Variants in ACTN3 observed in about 807,000 individuals in gnomAD.
ACTN3 encodes actinin alpha 3, also known as alpha-actinin-3.
In ACTN3, 91 loss-of-function variants were observed where a neutral mutation model predicts 119.6. That is an observed-to-expected ratio of 0.76 (90% CI 0.64 to 0.91). ACTN3 has a LOEUF of 0.91. Among genes scored for constraint, ACTN3 ranks in the 40% least tolerant of loss-of-function variants. The pLI is 0.00. For missense variants in ACTN3, 1,221 were observed against 1,215.1 expected (o/e 1.00, Z -0.07); for synonymous variants, 456 against 478.8 (o/e 0.95, Z 0.62).
chr11:66,546,656 C>G, upstream of ACTN3: 1 of 1,532,572 alleles, frequency 6.5e-7, no homozygotes, highest in Non-Finnish European at 8.7e-7. Context: ...CAGAGAGGTC[C>G]CGTGGATTTC....
intron 5 of ACTN3, 35 bp downstream of exon 5, chr11:66,554,658 C>A: frequency 6.4e-7 from 1 of 1,562,864 alleles, no homozygotes; most frequent in East Asian, 2.3e-5. Flanking sequence ...GTCTGGGCCT[C>A]TGTGGGGTAC....
chr11:66,547,646 C>G (rs1046194696), intron 1 of ACTN3, among the ~76,000 whole-genome samples: 2 of 152,188 alleles, frequency 1.3e-5, no homozygotes, highest in Non-Finnish European at 2.9e-5. Flanking sequence ...AGGACCCCCG[C>G]AACCTGAGGA....
In ACTN3 at chr11:66,557,832, A is replaced by G; in HGVS notation, c.1031A>G (p.Glu344Gly). The G allele has an allele frequency of 6.2e-7, 1 of 1,614,142 alleles. No individual in the cohort carries two copies. The highest frequency in any genetic ancestry group is 8.5e-7 in the Non-Finnish European group (1 of 1,180,000). The part of the protein sequence containing the change: ...RRLHKPPRIQ[E>G]KCQLEINFNT... Reference sequence around the variant, plus strand: ...CTGCACAAGCCGCCCCGCATTCAGGAAAAGTGCCAGCTGGAGATCAACTTC... The same window carrying G: ...CTGCACAAGCCGCCCCGCATTCAGGGAAAGTGCCAGCTGGAGATCAACTTC... The change falls in exon 10 of 21, where the codon GAA becomes GGA. Residue 344 changes from glutamate (E) to glycine (G), a missense_variant. Transcript: ENST00000513398.
chr11:66,558,151 C>G lies in ACTN3; in HGVS notation c.1253C>G (p.Ser418Cys). ...GCTGAGAAGTTCCGGCAGAAGGCCT[C>G]CCTGCACGAAGCCTGGACCCGGGGT... ...HLAEKFRQKA[S>C]LHEAWTRGKE... is the part of the protein sequence containing the mutation. The change falls in exon 11 of 21, where the codon TCC becomes TGC. Residue 418 changes from serine (S) to cysteine (C), a missense_variant. Physicochemically the swap from Ser to Cys is moderately radical, Grantham distance 112. Around this residue, in one of 3 missense-constraint regions of ACTN3, gnomAD observed 934 missense variants for 899.9 expected, o/e 1.04. Coordinates refer to ENST00000513398, the MANE Select transcript of ACTN3 (RefSeq NM_001104.4). The G allele has an allele frequency of 1.9e-6, 3 of 1,613,626 alleles. No homozygotes were observed. The highest frequency in any genetic ancestry group is 2.5e-6 in the Non-Finnish European group (3 of 1,179,888).
chr11:66,551,275 G>A lies in ACTN3; in HGVS notation c.184G>A (p.Ala62Thr). ...CTGGTGCAACTCACACCTGCGCAAG[G>A]CAGGCACCCAGATCGAGAACATCGA... is the stretch of plus-strand genomic sequence containing the variant. ...TAWCNSHLRKAGTQIENIEED... is the reference protein window; with the variant it reads ...TAWCNSHLRKTGTQIENIEED... The change falls in exon 2 of 21, where the codon GCA (alanine) becomes ACA (threonine). Residue 62 changes from alanine (A) to threonine (T), a missense_variant. Ala to Thr is a moderately conservative substitution (Grantham distance 58). Transcript: ENST00000513398. The A allele has an allele frequency of 6.2e-7, 1 of 1,612,432 alleles. No homozygotes were observed. The highest frequency in any genetic ancestry group is 8.5e-7 in the Non-Finnish European group (1 of 1,179,264).
At chr11:66,559,874 A>G in intron 12 of ACTN3, 94 bp from the exon 13 acceptor site, 1 of 1,260,986 alleles carries the variant, frequency 7.9e-7, no homozygotes, top group Non-Finnish European at 1.1e-6. Flanking sequence ...GCACGCCTTC[A>G]CCCCCATCCG....
chr11:66,551,481 G>T (rs1311850574), intron 2 of ACTN3, 47 bp from the exon 3 acceptor site: 67 of 1,596,430 alleles, frequency 4.2e-5, no homozygotes, highest in Non-Finnish European at 5.1e-5. Flanking sequence ...AATAGCTTCA[G>T]CTGCCTCTCA....
At chr11:66,554,648 G>T in intron 5 of ACTN3, 25 bp downstream of exon 5, 1 of 1,593,738 alleles carries the variant, frequency 6.3e-7, no homozygotes, top group Non-Finnish European at 8.6e-7. Context: ...TACCAAATGT[G>T]TCTGGGCCTC....
At chr11:66,562,668 TGGAG>T in intron 19 of ACTN3, 124 bp from the exon 20 acceptor site, 1 of 1,093,844 alleles carries the variant, frequency 9.1e-7, no homozygotes, top group Non-Finnish European at 1.3e-6. Flanking sequence ...CTAAGGTCTC[TGGAG>T]GAAGGGAACT....
chr11:66,557,714 C>A lies in ACTN3; in HGVS notation c.913C>A (p.Arg305Ser). ...KLASELLEWI[R>S]RTVPWLENRV... ...GCCCTGTCAGCTGCTGGAGTGGATCCGCCGCACTGTCCCATGGCTGGAGAA... is the reference window on the plus strand; with the variant it reads ...GCCCTGTCAGCTGCTGGAGTGGATCAGCCGCACTGTCCCATGGCTGGAGAA... Residue 305 changes from arginine to serine, a missense_variant, in exon 10 of 21, where the codon CGC becomes AGC. Arg to Ser is a moderately radical substitution (Grantham distance 110). Around this residue, in one of 3 missense-constraint regions of ACTN3, gnomAD observed 934 missense variants for 899.9 expected, o/e 1.04. Transcript: ENST00000513398. The A allele has an allele frequency of 6.2e-7, 1 of 1,611,432 alleles. No homozygotes were observed. Among genetic ancestry groups the A allele is most frequent in the Non-Finnish European group, 8.5e-7 (1 of 1,178,944 alleles).
intron 5 of ACTN3, 38 bp from the exon 6 acceptor site, chr11:66,555,092 T>G (rs1369564117): frequency 1.2e-6 from 2 of 1,607,618 alleles, no homozygotes; most frequent in Admixed American, 3.4e-5. Context: ...GGGCCCCAGC[T>G]TGAACCCAGG....
intron 5 of ACTN3, 151 bp from the exon 6 acceptor site, chr11:66,554,979 G>A (rs1857557780): frequency 1.4e-6 from 1 of 691,310 alleles, no homozygotes. Context: ...TCCAGATCTG[G>A]TCATGAAGGG....
chr11:66,551,152 G>A, intron 1 of ACTN3, 87 bp from the exon 2 acceptor site: 1 of 985,184 alleles, frequency 1.0e-6, no homozygotes. Flanking sequence ...ACAAGGCTCT[G>A]AGACCTACCC....
chr11:66,546,862 T>C, upstream of ACTN3: 1 of 1,508,660 alleles, frequency 6.6e-7, no homozygotes, highest in Non-Finnish European at 8.8e-7. Context: ...GATCTGGGGC[T>C]GGGCTGGGCC....
upstream of ACTN3, chr11:66,546,807 C>G (rs775148297): frequency 4.6e-6 from 7 of 1,531,614 alleles, no homozygotes; most frequent in Non-Finnish European, 6.1e-6. Context: ...AGCTCCTTCA[C>G]CCCCATCCGG....
At chr11:66,553,263 A>C (rs1857515230) in intron 3 of ACTN3, among the ~76,000 whole-genome samples, 2 of 151,742 alleles carry the variant, frequency 1.3e-5, no homozygotes, top group Non-Finnish European at 2.9e-5. Flanking sequence ...CCCCCCAAAA[A>C]ATAGATGCAG....
chr11:66,563,031 C>T lies in ACTN3; in HGVS notation c.2548-4C>T. ...TGTGGGTCCTCAACGCCTCTTCTCC[C>T]CAGAACTACATCACCCCCGAGGAGC... On this transcript the variant is annotated splice_region_variant and splice_polypyrimidine_tract_variant and intron_variant, in intron 20 of 20. Transcript: ENST00000513398. 1 of 1,610,756 alleles carries T rather than the reference C, an allele frequency of 6.2e-7. No homozygotes were observed.
intron 11 of ACTN3, chr11:66,559,007 G>A (rs1363899546): frequency 2.5e-6 from 1 of 401,332 alleles, no homozygotes; most frequent in East Asian, 3.6e-5. Context: ...TGTACCAAGG[G>A]CCCCCTGGAC....
chr11:66,558,166 G>C lies in ACTN3; in HGVS notation c.1268G>C (p.Trp423Ser). 1 of 1,613,216 alleles carries C rather than the reference G, an allele frequency of 6.2e-7. No homozygotes were observed. The highest frequency in any genetic ancestry group is 8.5e-7 in the Non-Finnish European group (1 of 1,179,896). ...CAGAAGGCCTCCCTGCACGAAGCCT[G>C]GACCCGGGGTAGGTAGACCTACCTC... ...FRQKASLHEA[W>S]TRGKEEMLSQ... is the part of the protein sequence containing the mutation. Residue 423 changes from tryptophan (W) to serine (S), a missense_variant, in exon 11 of 21, where the codon TGG becomes TCG. Physicochemically the swap from Trp to Ser is radical, Grantham distance 177. Coordinates refer to ENST00000513398, the MANE Select transcript of ACTN3 (RefSeq NM_001104.4).
Sources: allele counts gnomAD v4.1 joint callset (sites outside exome capture counted in the v4.1 genomes callset), GRCh38; gene constraint gnomAD v4.1.1; regional missense constraint gnomAD v4.1.1; transcripts MANE v1.5; gene names NCBI Gene and HGNC (gene_info 2026-07-23, HGNC 2026-07-21).